ROBO2: variants seen among roughly 807,000 people sequenced by gnomAD.
ROBO2 encodes roundabout homolog 2.
Under a neutral mutation model 160.8 loss-of-function variants are expected in ROBO2, and 53 were observed. That is an observed-to-expected ratio of 0.33 (90% CI 0.26 to 0.41). ROBO2 has a LOEUF of 0.41. Among genes scored for constraint, ROBO2 ranks in the 10% least tolerant of loss-of-function variants. ROBO2 has a pLI of 1.00. For missense variants in ROBO2, 1,577 were observed against 1,722.4 expected, an observed-to-expected ratio of 0.92 and a Z score of 1.49; for synonymous variants, 664 against 611.7, an observed-to-expected ratio of 1.09 and a Z score of -1.26.
chr3:76,337,069 T>C (rs1356118371), intron 2 of ROBO2, among the ~76,000 whole-genome samples: 1 of 152,164 alleles, frequency 6.6e-6, no homozygotes, highest in South Asian at 2.1e-4. Flanking sequence ...CAGTTATCCA[T>C]TTAAAAACTG....
intron 2 of ROBO2, among the ~76,000 whole-genome samples, chr3:76,643,535 T>C (rs960191654): frequency 6.6e-6 from 1 of 152,020 alleles, no homozygotes; most frequent in African/African-American, 2.4e-5. Flanking sequence ...CTGTTGAAAA[T>C]GTTAAAATAT....
chr3:77,498,769 A>G (rs11127598), intron 5 of ROBO2, among the ~76,000 whole-genome samples: 1,946 of 152,226 alleles, frequency 0.013, 36 homozygotes, highest in African/African-American at 0.043. Context: ...TTAGGAGGCA[A>G]TGGGCCTTCT....
chr3:76,592,421 T>C (rs2086471928), intron 2 of ROBO2, among the ~76,000 whole-genome samples: 1 of 152,074 alleles, frequency 6.6e-6, no homozygotes, highest in Non-Finnish European at 1.5e-5. Flanking sequence ...AATTAAAATA[T>C]TTCATCCATA....
intron 2 of ROBO2, among the ~76,000 whole-genome samples, chr3:76,476,650 C>T (rs2078945586): frequency 6.6e-6 from 1 of 152,130 alleles, no homozygotes; most frequent in African/African-American, 2.4e-5. Context: ...GCCTTTTCTG[C>T]CACTATTGGC....
At chr3:77,298,281 C>T (rs1439526896) in intron 2 of ROBO2, among the ~76,000 whole-genome samples, 1 of 152,110 alleles carries the variant, frequency 6.6e-6, no homozygotes, top group South Asian at 2.1e-4. Context: ...TTACTAATAA[C>T]TCTTAGGAGT....
intron 2 of ROBO2, among the ~76,000 whole-genome samples, chr3:76,212,083 A>G (rs1703180469): frequency 6.6e-6 from 1 of 151,972 alleles, no homozygotes; most frequent in African/African-American, 2.4e-5. Flanking sequence ...TATATTTTTG[A>G]AAAAAAGGAA....
intron 2 of ROBO2, among the ~76,000 whole-genome samples, chr3:76,591,156 TTGTA>T (rs1184753349): frequency 6.6e-6 from 1 of 152,090 alleles, no homozygotes; most frequent in East Asian, 1.9e-4. Context: ...AGCACATATT[TTGTA>T]TGGTATATGT....
chr3:76,933,583 A>G (rs1469578914), intron 2 of ROBO2, among the ~76,000 whole-genome samples: 2 of 152,302 alleles, frequency 1.3e-5, no homozygotes, highest in African/African-American at 2.4e-5. Context: ...CCTAATTTTC[A>G]TTAAATTTCA....
chr3:76,457,195 A>AT (rs1471084247), intron 2 of ROBO2, among the ~76,000 whole-genome samples: 1 of 152,196 alleles, frequency 6.6e-6, no homozygotes, highest in Non-Finnish European at 1.5e-5. Flanking sequence ...GAGACAAGTC[A>AT]AGTCCCTTCT....
chr3:76,248,479 T>C (rs1443020992), intron 2 of ROBO2, among the ~76,000 whole-genome samples: 1 of 127,022 alleles, frequency 7.9e-6, no homozygotes, highest in African/African-American at 3.1e-5. Context: ...TATCACACTC[T>C]GGGGACTGTG....
At chr3:77,083,125 C>T (rs558049357) in intron 1 of ROBO2, among the ~76,000 whole-genome samples, 5 of 152,176 alleles carry the variant, frequency 3.3e-5, no homozygotes, top group East Asian at 3.9e-4. Flanking sequence ...TTTCAGTGAA[C>T]TAAAAAAATG....
intron 2 of ROBO2, among the ~76,000 whole-genome samples, chr3:76,736,877 C>A (rs1035225117): frequency 1.3e-5 from 2 of 152,062 alleles, no homozygotes; most frequent in African/African-American, 4.8e-5. Context: ...AACAAAAGTA[C>A]CTTTCTATAT....
chr3:77,399,486 A>C (rs998972007), intron 2 of ROBO2, among the ~76,000 whole-genome samples: 3 of 152,222 alleles, frequency 2.0e-5, no homozygotes, highest in African/African-American at 7.2e-5. Flanking sequence ...CAAGATGTGA[A>C]ATCCATGTAC....
At chr3:77,389,346 T>A (rs949635759) in intron 2 of ROBO2, among the ~76,000 whole-genome samples, 43 of 151,702 alleles carry the variant, frequency 2.8e-4, no homozygotes, top group African/African-American at 5.6e-4. Context: ...ATTTAAAATT[T>A]AAAAAAAAAT....
At chr3:76,288,682 T>C (rs1224467792) in intron 2 of ROBO2, among the ~76,000 whole-genome samples, 1 of 152,094 alleles carries the variant, frequency 6.6e-6, no homozygotes, top group African/African-American at 2.4e-5. Context: ...ATTGTTCCCG[T>C]GTTTGTGTCC....
chr3:77,263,396 T>A (rs2153340065), intron 2 of ROBO2, among the ~76,000 whole-genome samples: 1 of 152,282 alleles, frequency 6.6e-6, no homozygotes, highest in South Asian at 2.1e-4. Context: ...CTGATCCTCT[T>A]CTTCCTCCCA....
At chr3:76,338,612 G>A (rs1300734847) in intron 2 of ROBO2, among the ~76,000 whole-genome samples, 2 of 151,800 alleles carry the variant, frequency 1.3e-5, no homozygotes, top group Non-Finnish European at 2.9e-5. Context: ...GGAGTTTGAG[G>A]TTACATTGAG....
chr3:77,291,552 A>C (rs1164019143), intron 2 of ROBO2, among the ~76,000 whole-genome samples: 2 of 150,494 alleles, frequency 1.3e-5, no homozygotes, highest in African/African-American at 4.9e-5. Flanking sequence ...CACCCCAGAC[A>C]TAAAGTAAAA....
At chr3:76,709,084 A>G (rs2093233242) in intron 2 of ROBO2, among the ~76,000 whole-genome samples, 1 of 152,188 alleles carries the variant, frequency 6.6e-6, no homozygotes, top group African/African-American at 2.4e-5. Context: ...TTTATATCCT[A>G]AATCTGAGCT....
Sources: gnomAD v4.1 joint callset for allele counts (sites outside exome capture counted in the v4.1 genomes callset) on GRCh38, gnomAD v4.1.1 for gene constraint, MANE v1.5 for transcripts, NCBI Gene and HGNC (gene_info 2026-07-23, HGNC 2026-07-21) for gene names.